Variants in AP5M1 observed in about 807,000 individuals in gnomAD.
AP5M1 encodes adaptor related protein complex 5 subunit mu 1.
In AP5M1, 44 loss-of-function variants were observed where a neutral mutation model predicts 52.3. The observed-to-expected ratio is 0.84, with a 90% CI of 0.66 to 1.08. AP5M1 has a LOEUF of 1.08. Among genes scored for constraint, AP5M1 ranks in the 50% least tolerant of loss-of-function variants. The pLI, the probability that AP5M1 is intolerant of heterozygous loss-of-function variation, is 0.00. For synonymous variants in AP5M1, 213 were observed against 199.0 expected (o/e 1.07, Z -0.59); for missense variants, 526 against 568.4 (o/e 0.93, Z 0.76).
chr14:57,273,920 T>C (rs1003947123), intron 1 of AP5M1, among the ~76,000 whole-genome samples: 2 of 152,210 alleles, frequency 1.3e-5, no homozygotes, highest in African/African-American at 4.8e-5. Flanking sequence ...ATATACTCCT[T>C]GCTGACCAAG....
intron 7 of AP5M1, among the ~76,000 whole-genome samples, chr14:57,288,097 T>C (rs1353073469): frequency 6.6e-6 from 1 of 152,046 alleles, no homozygotes; most frequent in Non-Finnish European, 1.5e-5. Flanking sequence ...AAAGACAATA[T>C]AGTCTATATT....
Position 57,289,840 on chromosome 14 carries a change from A to G in AP5M1, c.*956A>G, listed in dbSNP as rs1184769611. ...TAGTATATATCTCCTTAAAGCTGTC[A>G]CTCTCACTTTCTTACCATTCTCTTG... On this transcript the variant is annotated 3_prime_UTR_variant, in exon 8 of 8. Transcript: ENST00000261558. 1 of 151,820 alleles carries G rather than the reference A, an allele frequency of 6.6e-6. No homozygotes were observed. Among genetic ancestry groups the G allele is most frequent in the Non-Finnish European group, 1.5e-5 (1 of 67,902 alleles). 9.4% of individuals were successfully genotyped at this position (151,820 alleles called of 1,614,324 possible). A position where few individuals can be genotyped will look rare whatever the true frequency, so the allele number is the denominator to read the frequency against.
intron 1 of AP5M1, among the ~76,000 whole-genome samples, chr14:57,270,433 A>G (rs1244296261): frequency 1.3e-5 from 2 of 152,174 alleles, no homozygotes; most frequent in African/African-American, 4.8e-5. Context: ...CCATAGTAGA[A>G]TTGAGATTGA....
Position 57,295,559 on chromosome 14 carries a change from G to A in AP5M1, c.*6675G>A, listed in dbSNP as rs1885532354. The A allele has an allele frequency of 6.6e-6, 1 of 151,910 alleles. No homozygotes were observed. Among genetic ancestry groups the A allele is most frequent in the Non-Finnish European group, 1.5e-5 (1 of 67,888 alleles). 9.4% of individuals were successfully genotyped at this position (151,910 alleles called of 1,614,324 possible). A position where few individuals can be genotyped will look rare whatever the true frequency, so the allele number is the denominator to read the frequency against. ...TGCTCTCCAGACTGTTACAGTGCAT[G>A]AGTGATAATAAAAATGAGTCAGTCA... is the stretch of plus-strand genomic sequence containing the variant. On this transcript the variant is annotated 3_prime_UTR_variant, in exon 8 of 8. Transcript: ENST00000261558.
chr14:57,269,590 G>A (rs1884826688), intron 1 of AP5M1, among the ~76,000 whole-genome samples: 1 of 151,986 alleles, frequency 6.6e-6, no homozygotes, highest in South Asian at 2.1e-4. Context: ...GTTGATGACT[G>A]GTACATATTA....
At chr14:57,273,586 T>C (rs911874784) in intron 1 of AP5M1, 27 of 558,834 alleles carry the variant, frequency 4.8e-5, no homozygotes, top group Non-Finnish European at 1.6e-5. Context: ...TAGTAACTGC[T>C]TACAGTTCAA....
chr14:57,282,715 A>G (rs1185394300), intron 4 of AP5M1, among the ~76,000 whole-genome samples: 1 of 152,194 alleles, frequency 6.6e-6, no homozygotes, highest in Non-Finnish European at 1.5e-5. Flanking sequence ...TAGTTGTCTT[A>G]AGGATTAATA....
In AP5M1 at chr14:57,290,105, G is replaced by A. The variant is rs148965170; in HGVS notation, c.*1221G>A. 6.6e-5 allele frequency: 10 copies of A among 151,868 alleles called. No homozygotes were observed. Among genetic ancestry groups the A allele is most frequent in the African/African-American group, 2.2e-4 (9 of 41,402 alleles). 9.4% of individuals were successfully genotyped at this position (151,868 alleles called of 1,614,324 possible). A position where few individuals can be genotyped will look rare whatever the true frequency, so the allele number is the denominator to read the frequency against. On this transcript the variant is annotated 3_prime_UTR_variant, in exon 8 of 8. Transcript: ENST00000261558. ...TCTTGGGTTCTGTTTTTTAATGAGT[G>A]TTCTAAGGAAAAGCTTAGAAAAGCT...
chr14:57,275,203 T>C (rs1884997117), intron 2 of AP5M1: 1 of 376,030 alleles, frequency 2.7e-6, no homozygotes, highest in South Asian at 2.3e-5. Flanking sequence ...AAGTTTTCAG[T>C]TGAGGCTATA....
intron 1 of AP5M1, among the ~76,000 whole-genome samples, chr14:57,269,630 T>G (rs998649864): frequency 6.6e-6 from 1 of 152,184 alleles, no homozygotes; most frequent in Non-Finnish European, 1.5e-5. Flanking sequence ...ATTAGTATTG[T>G]GTTTTAAAAT....
intron 2 of AP5M1, among the ~76,000 whole-genome samples, chr14:57,278,937 A>G (rs1436968953): frequency 2.0e-5 from 3 of 152,170 alleles, no homozygotes; most frequent in East Asian, 3.9e-4. Context: ...AAAAAGCTCA[A>G]CGTCACTGAT....
intron 6 of AP5M1, among the ~76,000 whole-genome samples, chr14:57,284,866 A>G (rs1188429808): frequency 6.6e-6 from 1 of 152,154 alleles, no homozygotes; most frequent in East Asian, 1.9e-4. Context: ...TGGGTTTCAT[A>G]TCATATTTTT....
rs762561171 is a variant in AP5M1, at chr14:57,274,234, C to T, written c.75-10C>T. Reference sequence around the variant, plus strand: ...GAATCATTTATAATGTTTCTGTTTCCGTAATGCAGACGGTATCCAACTGTT... The same window carrying T: ...GAATCATTTATAATGTTTCTGTTTCTGTAATGCAGACGGTATCCAACTGTT... On this transcript the variant is annotated splice_polypyrimidine_tract_variant and intron_variant, in intron 1 of 7. Coordinates refer to ENST00000261558, the MANE Select transcript of AP5M1 (RefSeq NM_018229.4). The T allele has an allele frequency of 3.5e-4, 548 of 1,561,528 alleles. No individual in the cohort carries two copies. The highest frequency in any genetic ancestry group is 4.5e-4 in the Non-Finnish European group (521 of 1,157,478).
rs554317586 is a variant in AP5M1, at chr14:57,296,339, C to T, written c.*7455C>T. ...TTCAACCTAAAAATGGTATCTATCACAGTTATCAAAGATTACCCCTTGCTA... is the reference window on the plus strand; with the variant it reads ...TTCAACCTAAAAATGGTATCTATCATAGTTATCAAAGATTACCCCTTGCTA... On this transcript the variant is annotated 3_prime_UTR_variant, in exon 8 of 8. Transcript: ENST00000261558. 1 of 152,108 alleles carries T rather than the reference C, an allele frequency of 6.6e-6. No individual in the cohort carries two copies. Among genetic ancestry groups the T allele is most frequent in the African/African-American group, 2.4e-5 (1 of 41,542 alleles). 9.4% of individuals were successfully genotyped at this position (152,108 alleles called of 1,614,324 possible). A position where few individuals can be genotyped will look rare whatever the true frequency, so the allele number is the denominator to read the frequency against.
In AP5M1 at chr14:57,274,843, A is replaced by G. The variant is rs758545590; in HGVS notation, c.674A>G (p.Gln225Arg). 2 of 1,614,078 alleles carry G rather than the reference A, an allele frequency of 1.2e-6. No homozygotes were observed. The highest frequency in any genetic ancestry group is 4.5e-5 in the East Asian group (2 of 44,892). ...EKVKSMQYDK[Q>R]GIADTWQVVG... ...GTAAAATCCATGCAATATGATAAACAGGGTATAGCAGATACATGGCAAGTT... is the reference window on the plus strand; with the variant it reads ...GTAAAATCCATGCAATATGATAAACGGGGTATAGCAGATACATGGCAAGTT... The change falls in exon 2 of 8, where the codon CAG becomes CGG. Residue 225 changes from glutamine to arginine, a missense_variant. Around this residue, in one of 3 missense-constraint regions of AP5M1, gnomAD observed 425 missense variants for 430.6 expected, o/e 0.99. Transcript: ENST00000261558.
In AP5M1 at chr14:57,274,724, T is replaced by C. The variant is rs201481800; in HGVS notation, c.555T>C (p.Asn185=). ...TACAGAATTCATTAGATAATACCAA[T>C]TTTGCATCTGTGACTCAGCCACAGA... is the stretch of plus-strand genomic sequence containing the variant. ...ANLQNSLDNT[N]FASVTQPQKQ... is the part of the protein sequence containing the mutation. Residue 185 remains asparagine, a synonymous_variant, in exon 2 of 8, where the codon AAT becomes AAC. Coordinates refer to ENST00000261558, the MANE Select transcript of AP5M1 (RefSeq NM_018229.4). The C allele has an allele frequency of 6.2e-7, 1 of 1,614,144 alleles. No individual in the cohort carries two copies. Among genetic ancestry groups the C allele is most frequent in the African/African-American group, 1.3e-5 (1 of 75,040 alleles).
chr14:57,269,908 A>G (rs1884839573), intron 1 of AP5M1, among the ~76,000 whole-genome samples: 1 of 152,184 alleles, frequency 6.6e-6, no homozygotes, highest in Non-Finnish European at 1.5e-5. Flanking sequence ...TCCCGGGTTC[A>G]TGCCGTTCTC....
rs1162510861 is a variant in AP5M1, at chr14:57,293,669, A to C, written c.*4785A>C. The stretch of plus-strand genomic sequence containing the variant: ...CATTACACTCCGTGCAGTCATATTT[A>C]ATCAATAAAACAGGATATATTTTGA... On this transcript the variant is annotated 3_prime_UTR_variant, in exon 8 of 8. Transcript: ENST00000261558. 2 of 151,680 alleles carry C rather than the reference A, an allele frequency of 1.3e-5. No homozygotes were observed. Among genetic ancestry groups the C allele is most frequent in the African/African-American group, 4.8e-5 (2 of 41,374 alleles). The allele number at this position is 151,680 out of a possible 1,614,324, so 9.4% of individuals were successfully genotyped here. A position where few individuals can be genotyped will look rare whatever the true frequency, so the allele number is the denominator to read the frequency against.
In AP5M1 at chr14:57,274,302, G is replaced by A. The variant is rs1274122403; in HGVS notation, c.133G>A (p.Val45Ile). The change falls in exon 2 of 8, where the codon GTT (valine) becomes ATT (isoleucine). Residue 45 changes from valine to isoleucine, a missense_variant. Coordinates refer to ENST00000261558, the MANE Select transcript of AP5M1 (RefSeq NM_018229.4). ...RVFNGASYVP[V>I]PEDGPFLKAL... ...CTTCAATGGAGCAAGTTATGTGCCT[G>A]TTCCTGAAGATGGTCCCTTTCTTAA... 2 of 1,614,036 alleles carry A rather than the reference G, an allele frequency of 1.2e-6. No homozygotes were observed. The highest frequency in any genetic ancestry group is 8.5e-7 in the Non-Finnish European group (1 of 1,180,018).
Sources: allele counts gnomAD v4.1 joint callset (sites outside exome capture counted in the v4.1 genomes callset), GRCh38; gene constraint gnomAD v4.1.1; regional missense constraint gnomAD v4.1.1; transcripts MANE v1.5; gene names NCBI Gene and HGNC (gene_info 2026-07-23, HGNC 2026-07-21).